Variants in CASD1 observed in about 807,000 individuals in gnomAD.
CASD1 encodes the protein CAS1 domain sialic acid O acetyltransferase 1.
A neutral mutation model predicts 100.0 loss-of-function variants in CASD1; 41 were observed. That is an observed-to-expected ratio of 0.41 (90% CI 0.32 to 0.53). The LOEUF is 0.53. CASD1 is among the 20% of genes least tolerant of loss of function. CASD1 has a pLI of 0.25. For missense variants in CASD1, 774 were observed against 948.7 expected, an observed-to-expected ratio of 0.82 and a Z score of 2.42; for synonymous variants, 321 against 315.6, an observed-to-expected ratio of 1.02 and a Z score of -0.18.
At chr7:94,515,054 A>G (rs1352719142) in intron 1 of CASD1, among the ~76,000 whole-genome samples, 4 of 152,114 alleles carry the variant, frequency 2.6e-5, no homozygotes, top group Non-Finnish European at 5.9e-5. Flanking sequence ...AGGTTATAAT[A>G]GTAGTAGTAA....
intron 9 of CASD1, 145 bp from the exon 10 acceptor site, chr7:94,538,822 T>A (rs1235175126): frequency 2.3e-6 from 1 of 440,186 alleles, no homozygotes; most frequent in East Asian, 3.4e-5. Context: ...AAATGACAGT[T>A]TTTAACTGTT....
the CASD1 span, among the ~76,000 whole-genome samples, chr7:94,567,308 T>C: frequency 1.1e-4 from 17 of 152,174 alleles, no homozygotes; most frequent in African/African-American, 3.6e-4. Flanking sequence ...TGAAATGGCC[T>C]AGTTTTTATT....
chr7:94,607,941 CAGAA>C, the CASD1 span, among the ~76,000 whole-genome samples: 106 of 152,236 alleles, frequency 7.0e-4, no homozygotes, highest in Admixed American at 2.3e-3. Context: ...CCTTCCAAAA[CAGAA>C]AGCATCAAAA....
chr7:94,544,362 G>T, intron 10 of CASD1, 49 bp from the exon 11 acceptor site: 1 of 1,601,586 alleles, frequency 6.2e-7, no homozygotes, highest in African/African-American at 1.3e-5. Context: ...GATAATCCAA[G>T]GTGTAGTTGA....
chr7:94,567,374 C>T, the CASD1 span, among the ~76,000 whole-genome samples: 1 of 152,032 alleles, frequency 6.6e-6, no homozygotes, highest in Non-Finnish European at 1.5e-5. Flanking sequence ...CAGTGGTTAC[C>T]TTATCTTTCT....
the CASD1 span, chr7:94,618,989 T>C: frequency 7.2e-7 from 1 of 1,385,896 alleles, no homozygotes; most frequent in South Asian, 1.2e-5. Context: ...TGCATATCTT[T>C]AATGAAGTAG....
the CASD1 span, chr7:94,625,139 CAG>C: frequency 4.0e-5 from 6 of 151,874 alleles, no homozygotes; most frequent in Non-Finnish European, 8.8e-5. Context: ...ATTTCTAAAA[CAG>C]AGCTGATCTA....
At chr7:94,531,320 A>C (rs903397109) in intron 5 of CASD1, among the ~76,000 whole-genome samples, 1 of 152,164 alleles carries the variant, frequency 6.6e-6, no homozygotes, top group South Asian at 2.1e-4. Context: ...TGAGAAGAAT[A>C]GGGACATATT....
At position 94,556,580 on chromosome 7, in the gene CASD1, A is replaced by G. The variant is rs1232558661; in HGVS notation, c.*822A>G. On this transcript the variant is annotated 3_prime_UTR_variant, in exon 18 of 18. Transcript: ENST00000297273. The stretch of plus-strand genomic sequence containing the variant: ...TATCCCCACTAATTAATTTTCGTAT[A>G]TTATTTCCAATATTTGGAAAGCTCT... 1.3e-5 allele frequency: 2 copies of G among 151,998 alleles called. No individual in the cohort carries two copies. Among genetic ancestry groups the G allele is most frequent in the Admixed American group, 1.3e-4 (2 of 15,248 alleles). 9.4% of individuals were successfully genotyped at this position (151,998 alleles called of 1,614,324 possible).
chr7:94,518,948 T>C (rs541021536), intron 3 of CASD1, among the ~76,000 whole-genome samples: 1 of 152,250 alleles, frequency 6.6e-6, no homozygotes, highest in African/African-American at 2.4e-5. Flanking sequence ...GGGTGGAATC[T>C]CTAAAATTCA....
At chr7:94,557,901 A>G (rs1796260196), downstream of CASD1, among the ~76,000 whole-genome samples, 1 of 152,096 alleles carries the variant, frequency 6.6e-6, no homozygotes, top group Non-Finnish European at 1.5e-5. Flanking sequence ...TTAATATTTT[A>G]TTTTCTGCAT....
At chr7:94,579,218 T>TAAAAAAA in the CASD1 span, among the ~76,000 whole-genome samples, 1 of 136,024 alleles carries the variant, frequency 7.4e-6, no homozygotes. Context: ...TTTTAAATGT[T>TAAAAAAA]AAAAAAAAAA....
At chr7:94,521,840 C>T (rs950756252) in intron 3 of CASD1, among the ~76,000 whole-genome samples, 2 of 152,202 alleles carry the variant, frequency 1.3e-5, no homozygotes, top group Non-Finnish European at 2.9e-5. Flanking sequence ...AATCCCAGCA[C>T]TTTGGGAGGC....
intron 10 of CASD1, among the ~76,000 whole-genome samples, chr7:94,540,343 C>A (rs956606613): frequency 6.6e-6 from 1 of 151,962 alleles, no homozygotes; most frequent in Non-Finnish European, 1.5e-5. Context: ...GAGTGTTGCC[C>A]AGAAAGGAGT....
At chr7:94,559,671 G>C (rs914445175), downstream of CASD1, among the ~76,000 whole-genome samples, 4 of 151,998 alleles carry the variant, frequency 2.6e-5, no homozygotes, top group African/African-American at 9.7e-5. Flanking sequence ...GATTACAGGT[G>C]TGCACCACCA....
chr7:94,538,152 G>C (rs1230733140), intron 9 of CASD1, among the ~76,000 whole-genome samples: 3 of 152,130 alleles, frequency 2.0e-5, no homozygotes, highest in Non-Finnish European at 2.9e-5. Flanking sequence ...TCATGACTTA[G>C]TGTTATTTTG....
At chr7:94,540,950 T>C (rs1056185705) in intron 10 of CASD1, among the ~76,000 whole-genome samples, 2 of 152,178 alleles carry the variant, frequency 1.3e-5, no homozygotes, top group Admixed American at 6.5e-5. Context: ...AAAGGATTTA[T>C]ATCATAAAAA....
At chr7:94,539,125 C>T in intron 10 of CASD1, 69 bp downstream of exon 10, 1 of 866,042 alleles carries the variant, frequency 1.2e-6, no homozygotes, top group Non-Finnish European at 1.8e-6. Context: ...TTTAAGGGCA[C>T]CAGCTTTTTT....
the CASD1 span, among the ~76,000 whole-genome samples, chr7:94,574,938 C>G: frequency 6.6e-6 from 1 of 152,162 alleles, no homozygotes; most frequent in South Asian, 2.1e-4. Context: ...CCACTGCACT[C>G]CAGCCTGGGT....
Sources: gnomAD v4.1 joint callset for allele counts (sites outside exome capture counted in the v4.1 genomes callset) on GRCh38, gnomAD v4.1.1 for gene constraint, MANE v1.5 for transcripts, NCBI Gene and HGNC (gene_info 2026-07-23, HGNC 2026-07-21) for gene names.